DCDC1: variants seen among roughly 807,000 people sequenced by gnomAD.
The protein encoded by DCDC1 is doublecortin domain containing 1, also known as doublecortin domain-containing protein 1.
In DCDC1, 200 loss-of-function variants were observed where a neutral mutation model predicts 178.3. That is an observed-to-expected ratio of 1.12 (90% CI 1.00 to 1.26). The LOEUF is 1.26. DCDC1 is among the 50% of genes most tolerant of loss of function. The probability of loss-of-function intolerance (pLI) is 0.00; values close to 1 mark genes in which losing one functional copy is unlikely to be tolerated. For missense variants in DCDC1, 1,983 were observed against 1,749.2 expected (o/e 1.13, Z -2.38); for synonymous variants, 690 against 604.8 (o/e 1.14, Z -2.07).
intron 8 of DCDC1, among the ~76,000 whole-genome samples, chr11:31,253,875 C>T (rs780223583): frequency 2.6e-5 from 4 of 152,160 alleles, no homozygotes. Context: ...ACACTTCCCA[C>T]CTTATTCATG....
intron 9 of DCDC1, among the ~76,000 whole-genome samples, chr11:31,220,011 G>A (rs763411119): frequency 1.3e-5 from 2 of 152,028 alleles, no homozygotes; most frequent in African/African-American, 2.4e-5. Context: ...TACTGGATTG[G>A]CCAGAAAATT....
chr11:31,330,254 T>G (rs967967566), intron 2 of DCDC1, among the ~76,000 whole-genome samples: 5 of 152,228 alleles, frequency 3.3e-5, no homozygotes, highest in Non-Finnish European at 7.3e-5. Context: ...GTTGGTTTTT[T>G]TCTTGTAAAT....
chr11:31,182,326 G>A (rs1968913168), intron 9 of DCDC1, among the ~76,000 whole-genome samples: 2 of 152,020 alleles, frequency 1.3e-5, no homozygotes, highest in Admixed American at 1.3e-4. Flanking sequence ...GGCAGCCTGA[G>A]AGAAAGGTGG....
chr11:31,230,728 C>T (rs1004873842), intron 9 of DCDC1, among the ~76,000 whole-genome samples: 1 of 152,122 alleles, frequency 6.6e-6, no homozygotes. Flanking sequence ...TATGTACCAA[C>T]ATTTTAAGTT....
At chr11:31,363,858 T>C (rs562727161) in intron 1 of DCDC1, among the ~76,000 whole-genome samples, 2 of 152,210 alleles carry the variant, frequency 1.3e-5, no homozygotes, top group African/African-American at 4.8e-5. Flanking sequence ...GTACAGCCAG[T>C]ACCTGACTTA....
At chr11:31,047,768 T>C (rs949186345) in intron 20 of DCDC1, among the ~76,000 whole-genome samples, 63 of 152,300 alleles carry the variant, frequency 4.1e-4, no homozygotes, top group African/African-American at 1.4e-3. Flanking sequence ...TGTAATACTA[T>C]ATAGTACAAT....
intron 7 of DCDC1, among the ~76,000 whole-genome samples, chr11:31,283,143 CCATT>C (rs1565546230): frequency 1.3e-5 from 2 of 152,118 alleles, no homozygotes; most frequent in Non-Finnish European, 2.9e-5. Flanking sequence ...AAAATTCTGG[CCATT>C]ATTACTTCAA....
intron 37 of DCDC1, among the ~76,000 whole-genome samples, chr11:30,879,676 A>G (rs928433828): frequency 4.6e-5 from 7 of 152,224 alleles, no homozygotes; most frequent in Non-Finnish European, 1.0e-4. Flanking sequence ...AAAGATACAC[A>G]GAGCTAACAT....
intron 9 of DCDC1, among the ~76,000 whole-genome samples, chr11:31,185,327 G>T (rs921653641): frequency 9.9e-5 from 15 of 152,086 alleles, no homozygotes; most frequent in African/African-American, 3.6e-4. Context: ...GTTGATGGGT[G>T]TAGCAAACCA....
At chr11:30,991,178 CA>C (rs1950958499) in intron 20 of DCDC1, among the ~76,000 whole-genome samples, 1 of 152,058 alleles carries the variant, frequency 6.6e-6, no homozygotes, top group South Asian at 2.1e-4. Flanking sequence ...CCCAAGACCT[CA>C]AGAGCAGACA....
chr11:30,976,920 T>C (rs1003170056), intron 20 of DCDC1, among the ~76,000 whole-genome samples: 1 of 152,178 alleles, frequency 6.6e-6, no homozygotes, highest in East Asian at 1.9e-4. Flanking sequence ...TAGCAAGCTA[T>C]GGAATCAACC....
Position 31,049,907 on chromosome 11 carries a change from C to T in DCDC1, c.2591+14562G>A, listed in dbSNP as rs140102793. On this transcript the variant is annotated intron_variant, in intron 20 of 38. Transcript: ENST00000684477. ...TGCCTGGCACCACAGGGATCCATTG[C>T]GAGGGTGGCCAGAGGAGCAAGGAGT... Among the ~76,000 whole-genome samples the T allele has an allele frequency of 1.4e-3, 213 of 152,236 alleles. 5 individuals carry two copies. Among genetic ancestry groups the T allele is most frequent in the East Asian group, 0.014 (70 of 5,160 alleles).
chr11:31,315,242 C>T (rs1949005883), intron 3 of DCDC1, among the ~76,000 whole-genome samples: 1 of 151,588 alleles, frequency 6.6e-6, no homozygotes. Context: ...GCTCATTACT[C>T]CCCTGTAATA....
chr11:30,987,635 C>T (rs1039119789), intron 20 of DCDC1, among the ~76,000 whole-genome samples: 3 of 151,986 alleles, frequency 2.0e-5, no homozygotes, highest in Non-Finnish European at 4.4e-5. Context: ...AAAAAATGAG[C>T]CATATGAAGC....
chr11:31,096,751 C>T (rs1160169488), intron 15 of DCDC1, among the ~76,000 whole-genome samples: 3 of 151,462 alleles, frequency 2.0e-5, no homozygotes, highest in African/African-American at 7.3e-5. Context: ...TTAAAACTGA[C>T]AATGGCCATT....
chr11:31,135,784 T>C (rs1963053352), intron 10 of DCDC1, among the ~76,000 whole-genome samples: 1 of 151,988 alleles, frequency 6.6e-6, no homozygotes, highest in East Asian at 1.9e-4. Context: ...TATATAGTGC[T>C]AAAAAAATAA....
At chr11:30,938,217 A>ATC (rs150806325) in intron 21 of DCDC1, among the ~76,000 whole-genome samples, 12 of 146,894 alleles carry the variant, frequency 8.2e-5, no homozygotes, top group East Asian at 4.0e-4. Context: ...TTCTTCTTCT[A>ATC]TCTCTCTCTC....
chr11:31,181,293 G>A (rs1183338743), intron 9 of DCDC1, among the ~76,000 whole-genome samples: 1 of 152,200 alleles, frequency 6.6e-6, no homozygotes, highest in Non-Finnish European at 1.5e-5. Context: ...TACAGCTTCA[G>A]CCAACTTAAA....
At chr11:31,066,785 G>T (rs1306447100) in intron 18 of DCDC1, among the ~76,000 whole-genome samples, 1 of 152,104 alleles carries the variant, frequency 6.6e-6, no homozygotes, top group Non-Finnish European at 1.5e-5. Context: ...TATAATGGTG[G>T]ATATATGTCA....
Sources: allele counts gnomAD v4.1 joint callset (sites outside exome capture counted in the v4.1 genomes callset), GRCh38; gene constraint gnomAD v4.1.1; transcripts MANE v1.5; gene names NCBI Gene and HGNC (gene_info 2026-07-23, HGNC 2026-07-21).